The following USP32 variants were observed in gnomAD, a reference collection of about 807,000 sequenced individuals.
USP32 encodes ubiquitin specific peptidase 32, also known as ubiquitin carboxyl-terminal hydrolase 32.
A neutral mutation model predicts 204.8 loss-of-function variants in USP32; 59 were observed. That is an observed-to-expected ratio of 0.29 (90% CI 0.23 to 0.36). USP32 has a LOEUF of 0.36. USP32 is among the 10% of genes least tolerant of loss of function. The pLI is 1.00. For synonymous variants in USP32, 517 were observed against 678.4 expected (o/e 0.76, Z 3.70); for missense variants, 1,160 against 1,946.4 (o/e 0.60, Z 7.60).
Position 60,400,392 on chromosome 17 carries a change from G to A in USP32, c.106+21854C>T, listed in dbSNP as rs191012174. On this transcript the variant is annotated intron_variant, in intron 1 of 3. Transcript: ENST00000588898. ...GCGACTGCATTAATCCAGGCGTGAG[G>A]GTTAGGCGGTGAGAGGTTAGATCCC... 5.7e-3 allele frequency among the ~76,000 whole-genome samples: 868 copies of A among 152,274 alleles called. 6 individuals carry two copies. The highest frequency in any genetic ancestry group is 0.02 in the Middle Eastern group (6 of 294).
chr17:60,292,386 C>G (rs1354769088), intron 4 of USP32, among the ~76,000 whole-genome samples: 1 of 152,134 alleles, frequency 6.6e-6, no homozygotes, highest in Non-Finnish European at 1.5e-5. Flanking sequence ...CATCTGACAA[C>G]TCCACTTGAG....
intron 1 of USP32, among the ~76,000 whole-genome samples, chr17:60,414,591 G>GTTT (rs2090045930): frequency 6.6e-6 from 1 of 151,372 alleles, no homozygotes; most frequent in Non-Finnish European, 1.5e-5. Context: ...ACCAGGCCCG[G>GTTT]CTAATTTTTG....
At chr17:60,422,416 G>A in exon 1 of USP32, 3 of 1,458,292 alleles carry the variant, frequency 2.1e-6, no homozygotes, top group Admixed American at 2.2e-5. Flanking sequence ...CTAAGAATGA[G>A]GAAATGGGAG....
At chr17:60,420,373 A>T (rs982557029) in intron 1 of USP32, among the ~76,000 whole-genome samples, 1 of 152,206 alleles carries the variant, frequency 6.6e-6, no homozygotes, top group Non-Finnish European at 1.5e-5. Flanking sequence ...ATTTTTAAAA[A>T]AGACTCTTTC....
intron 29 of USP32, among the ~76,000 whole-genome samples, chr17:60,188,598 T>C (rs1469037786): frequency 2.0e-5 from 3 of 152,244 alleles, no homozygotes; most frequent in African/African-American, 7.2e-5. Context: ...TACACCATGC[T>C]TTATTTAACC....
intron 27 of USP32, among the ~76,000 whole-genome samples, chr17:60,196,270 C>CAAAAAAAAAAAAAA (rs749074954): frequency 1.5e-5 from 2 of 129,222 alleles, no homozygotes; most frequent in African/African-American, 6.9e-5. Flanking sequence ...ATCCCCACGC[C>CAAAAAAAAAAAAAA]AAAAAAAGAA....
chr17:60,329,699 C>G (rs1388292966), intron 2 of USP32, among the ~76,000 whole-genome samples: 5 of 152,116 alleles, frequency 3.3e-5, no homozygotes, highest in Admixed American at 2.6e-4. Flanking sequence ...TGCAAAATAT[C>G]TAGAATACCT....
intron 1 of USP32, among the ~76,000 whole-genome samples, chr17:60,413,400 G>A (rs1437347931): frequency 6.6e-6 from 1 of 152,134 alleles, no homozygotes; most frequent in African/African-American, 2.4e-5. Context: ...TTACAGGTAA[G>A]GGTTTTTAAA....
chr17:60,362,241 T>C (rs1477565356), intron 1 of USP32, among the ~76,000 whole-genome samples: 1 of 152,120 alleles, frequency 6.6e-6, no homozygotes, highest in African/African-American at 2.4e-5. Context: ...TAACAGAAAG[T>C]TCGTATTAAC....
At chr17:60,390,270 G>A (rs1472402434) in intron 1 of USP32, among the ~76,000 whole-genome samples, 1 of 152,200 alleles carries the variant, frequency 6.6e-6, no homozygotes, top group Admixed American at 6.5e-5. Context: ...CTCAATGCCA[G>A]GTACATCACT....
intron 2 of USP32, among the ~76,000 whole-genome samples, chr17:60,342,258 C>T (rs1377439231): frequency 1.3e-5 from 2 of 152,174 alleles, no homozygotes; most frequent in Non-Finnish European, 2.9e-5. Flanking sequence ...GCAAATATTG[C>T]AGAACAGCAA....
chr17:60,265,609 G>A (rs1297716748), intron 8 of USP32, 135 bp from the exon 9 acceptor site: 2 of 631,004 alleles, frequency 3.2e-6, no homozygotes, highest in East Asian at 5.7e-5. Context: ...CGTTGCCCAG[G>A]ATTATCTCAA....
chr17:60,378,985 A>G (rs924154458), intron 1 of USP32, among the ~76,000 whole-genome samples: 2 of 152,162 alleles, frequency 1.3e-5, no homozygotes, highest in African/African-American at 4.8e-5. Flanking sequence ...AAGGTGGGGG[A>G]GAGCTATGTA....
intron 1 of USP32, among the ~76,000 whole-genome samples, chr17:60,405,357 C>A (rs918563559): frequency 3.3e-5 from 5 of 152,002 alleles, no homozygotes; most frequent in African/African-American, 1.2e-4. Context: ...CACACACCTC[C>A]AAGCCAACCT....
chr17:60,416,129 C>T (rs1028935609), intron 1 of USP32, among the ~76,000 whole-genome samples: 5 of 152,038 alleles, frequency 3.3e-5, no homozygotes, highest in Non-Finnish European at 5.9e-5. Context: ...TGACCCACTG[C>T]GCCTGGCTTA....
chr17:60,254,625 C>T (rs1229994150), intron 10 of USP32, among the ~76,000 whole-genome samples: 8 of 152,064 alleles, frequency 5.3e-5, no homozygotes, highest in East Asian at 1.9e-4. Context: ...CCTGAGTCTG[C>T]GCAGTCAAGG....
At chr17:60,333,733 T>C (rs1247625337) in intron 2 of USP32, among the ~76,000 whole-genome samples, 3 of 150,470 alleles carry the variant, frequency 2.0e-5, no homozygotes, top group Non-Finnish European at 4.4e-5. Flanking sequence ...GAGAGGGAAG[T>C]AAAAGGAAAG....
intron 2 of USP32, among the ~76,000 whole-genome samples, chr17:60,345,032 G>C (rs2088752958): frequency 6.6e-6 from 1 of 151,946 alleles, no homozygotes; most frequent in African/African-American, 2.4e-5. Context: ...CATTTTAGTA[G>C]AACTTAAATA....
At chr17:60,201,730 C>T (rs1213527090) in intron 26 of USP32, among the ~76,000 whole-genome samples, 1 of 151,468 alleles carries the variant, frequency 6.6e-6, no homozygotes, top group African/African-American at 2.4e-5. Context: ...ATGATCTCGG[C>T]CCATTGCAAC....
Sources: allele counts gnomAD v4.1 joint callset (sites outside exome capture counted in the v4.1 genomes callset), GRCh38; gene constraint gnomAD v4.1.1; transcripts MANE v1.5; gene names NCBI Gene and HGNC (gene_info 2026-07-23, HGNC 2026-07-21).